Variants in SLC25A48 observed in about 807,000 individuals in gnomAD.
SLC25A48 encodes the protein solute carrier family 25 member 48, also known as CTC-321K16.1.
SLC25A48 carries 29 observed loss-of-function variants against 32.2 expected under a neutral mutation model. The observed-to-expected ratio is 0.90, with a 90% confidence interval of 0.67 to 1.23. SLC25A48 has a LOEUF of 1.23. Among genes scored for constraint, SLC25A48 ranks in the 50% most tolerant of loss-of-function variants. SLC25A48 has a pLI of 0.00. For missense variants in SLC25A48, 399 were observed against 422.7 expected, an observed-to-expected ratio of 0.94 and a Z score of 0.49; for synonymous variants, 164 against 172.3, an observed-to-expected ratio of 0.95 and a Z score of 0.38.
intron 3 of SLC25A48, among the ~76,000 whole-genome samples, chr5:135,777,353 A>G (rs888521566): frequency 5.9e-5 from 9 of 151,760 alleles, no homozygotes; most frequent in African/African-American, 2.2e-4. Flanking sequence ...AAAAGAGAGG[A>G]TATTACTCCC....
At chr5:135,600,873 G>A (rs1267799336) in intron 1 of SLC25A48, among the ~76,000 whole-genome samples, 1 of 146,096 alleles carries the variant, frequency 6.8e-6, no homozygotes, top group African/African-American at 2.5e-5. Context: ...TGTATTTTTA[G>A]TAGAGACAGG....
intron 6 of SLC25A48, among the ~76,000 whole-genome samples, chr5:135,877,053 G>A (rs761307685): frequency 2.0e-5 from 3 of 152,186 alleles, no homozygotes; most frequent in African/African-American, 7.2e-5. Context: ...TAATAATGAC[G>A]ATGGTGACCA....
intron 4 of SLC25A48, among the ~76,000 whole-genome samples, chr5:135,817,113 A>G (rs537133844): frequency 5.9e-5 from 9 of 152,370 alleles, no homozygotes; most frequent in African/African-American, 2.2e-4. Flanking sequence ...GCAGTGCTCA[A>G]TGGGGCCAAT....
intron 3 of SLC25A48, among the ~76,000 whole-genome samples, chr5:135,659,352 C>A (rs1282120730): frequency 6.6e-6 from 1 of 152,186 alleles, no homozygotes; most frequent in Admixed American, 6.5e-5. Flanking sequence ...GCAAGAGGGA[C>A]CTTTACTCCA....
chr5:135,646,678 T>TATATATATATATATATATACACACAC (rs966073970), intron 3 of SLC25A48, among the ~76,000 whole-genome samples: 3 of 136,754 alleles, frequency 2.2e-5, no homozygotes, highest in Admixed American at 7.5e-5. Flanking sequence ...TATATATATA[T>TATATATATATATATATATACACACAC]ACAATGGGAA....
At chr5:135,757,738 C>T (rs188168043) in intron 3 of SLC25A48, among the ~76,000 whole-genome samples, 16 of 149,100 alleles carry the variant, frequency 1.1e-4, no homozygotes, top group African/African-American at 3.4e-4. Flanking sequence ...TGTTAATTCA[C>T]TACAATATTA....
chr5:135,666,904 C>T (rs1753537488), intron 3 of SLC25A48, among the ~76,000 whole-genome samples: 2 of 152,110 alleles, frequency 1.3e-5, no homozygotes, highest in African/African-American at 4.8e-5. Context: ...TCCAGAATTA[C>T]AGGAATAAGG....
intron 4 of SLC25A48, among the ~76,000 whole-genome samples, chr5:135,820,792 A>G (rs757303949): frequency 1.3e-5 from 2 of 152,222 alleles, no homozygotes; most frequent in African/African-American, 2.4e-5. Context: ...ATTTACAACA[A>G]CTAAATTTGA....
intron 3 of SLC25A48, among the ~76,000 whole-genome samples, chr5:135,790,074 G>T (rs10900837): frequency 0.65 from 98,170 of 151,198 alleles, 33,991 homozygotes; most frequent in Non-Finnish European, 0.77. Context: ...AGTACACCAC[G>T]TGTGATATTA....
At chr5:135,778,095 G>C (rs1756614775) in intron 3 of SLC25A48, among the ~76,000 whole-genome samples, 1 of 151,556 alleles carries the variant, frequency 6.6e-6, no homozygotes, top group African/African-American at 2.4e-5. Flanking sequence ...TAATATTTAG[G>C]AAAAAAGAGG....
chr5:135,658,750 C>T (rs545304914), intron 3 of SLC25A48, among the ~76,000 whole-genome samples: 1 of 152,330 alleles, frequency 6.6e-6, no homozygotes, highest in South Asian at 2.1e-4. Flanking sequence ...TCAGCTCTTG[C>T]CTTCTGCATA....
intron 4 of SLC25A48, among the ~76,000 whole-genome samples, chr5:135,855,636 AATTATGCCAT>A (rs1240294116): frequency 2.0e-5 from 3 of 152,196 alleles, no homozygotes; most frequent in Non-Finnish European, 4.4e-5. Flanking sequence ...CTTGTTCAAA[AATTATGCCAT>A]ATTTTACAAT....
At chr5:135,647,420 TG>T (rs1181171046) in intron 3 of SLC25A48, among the ~76,000 whole-genome samples, 1 of 152,202 alleles carries the variant, frequency 6.6e-6, no homozygotes, top group Non-Finnish European at 1.5e-5. Context: ...AGCACAGTCA[TG>T]CATGGGGCCA....
chr5:135,604,760 C>A (rs540191297), intron 1 of SLC25A48, among the ~76,000 whole-genome samples: 1 of 152,132 alleles, frequency 6.6e-6, no homozygotes, highest in Admixed American at 6.6e-5. Context: ...TAGAATATTA[C>A]GGAGTCATAA....
At chr5:135,794,990 T>G (rs1039045767) in intron 3 of SLC25A48, among the ~76,000 whole-genome samples, 1 of 151,444 alleles carries the variant, frequency 6.6e-6, no homozygotes, top group Non-Finnish European at 1.5e-5. Flanking sequence ...AATATCCAGG[T>G]GAGGAGAGGA....
At chr5:135,884,866 T>C (rs955939781) in intron 7 of SLC25A48, among the ~76,000 whole-genome samples, 1 of 141,588 alleles carries the variant, frequency 7.1e-6, no homozygotes, top group Non-Finnish European at 1.5e-5. Flanking sequence ...AACCACCTTC[T>C]TCAGGTGTCT....
At chr5:135,873,990 GC>G (rs1408670729) in intron 5 of SLC25A48, 30 bp from the exon 6 acceptor site, 9 of 1,518,440 alleles carry the variant, frequency 5.9e-6, no homozygotes, top group Non-Finnish European at 4.4e-6. Context: ...TAAGGAGCTA[GC>G]CCCTGACACC....
intron 3 of SLC25A48, among the ~76,000 whole-genome samples, chr5:135,809,481 A>G (rs1757546218): frequency 6.6e-6 from 1 of 152,196 alleles, no homozygotes; most frequent in African/African-American, 2.4e-5. Flanking sequence ...CTATTTTTAA[A>G]AATCAGGTTT....
At chr5:135,863,202 G>A (rs950137750) in intron 4 of SLC25A48, among the ~76,000 whole-genome samples, 5 of 152,164 alleles carry the variant, frequency 3.3e-5, no homozygotes, top group East Asian at 3.8e-4. Flanking sequence ...TGAGACAAGT[G>A]GAACCCCCCA....
Sources: allele counts gnomAD v4.1 joint callset (sites outside exome capture counted in the v4.1 genomes callset), GRCh38; gene constraint gnomAD v4.1.1; transcripts MANE v1.5; gene names NCBI Gene and HGNC (gene_info 2026-07-23, HGNC 2026-07-21).